The following PTBP3 variants were observed in gnomAD, a reference collection of about 807,000 sequenced individuals.
PTBP3 encodes the protein polypyrimidine tract binding protein 3, also known as polypyrimidine tract-binding protein 3.
Under a neutral mutation model 58.7 loss-of-function variants are expected in PTBP3, and 20 were observed. That is an observed-to-expected ratio of 0.34 (90% CI 0.24 to 0.50). PTBP3 has a LOEUF of 0.50. Ranked by LOEUF, PTBP3 falls within the 20% of genes least tolerant of loss-of-function variation. The pLI is 0.98. For synonymous variants in PTBP3, 185 were observed against 219.8 expected, an observed-to-expected ratio of 0.84 and a Z score of 1.40; for missense variants, 509 against 637.2, an observed-to-expected ratio of 0.80 and a Z score of 2.17.
chr9:112,370,884 T>C, the PTBP3 span, among the ~76,000 whole-genome samples: 1 of 152,194 alleles, frequency 6.6e-6, no homozygotes, highest in Non-Finnish European at 1.5e-5. Flanking sequence ...CATTTTGATG[T>C]TCTTATAAAT....
intron 2 of PTBP3, among the ~76,000 whole-genome samples, chr9:112,284,962 T>C (rs1301668778): frequency 1.4e-5 from 2 of 145,116 alleles, no homozygotes; most frequent in Non-Finnish European, 3.0e-5. Flanking sequence ...TTTTGGGTTA[T>C]GTTGGAATGA....
chr9:112,355,992 CTCTTTCTTTT>C, the PTBP3 span, among the ~76,000 whole-genome samples: 2 of 149,164 alleles, frequency 1.3e-5, no homozygotes, highest in Non-Finnish European at 3.0e-5. Context: ...TTCTTTCTTT[CTCTTTCTTTT>C]CTTTCCTTCC....
the PTBP3 span, among the ~76,000 whole-genome samples, chr9:112,368,767 A>C: frequency 6.6e-6 from 1 of 152,212 alleles, no homozygotes; most frequent in Admixed American, 6.5e-5. Context: ...ATAAGTAACG[A>C]GGAGCCAAAT....
chr9:112,299,661 T>C (rs1828829578), intron 1 of PTBP3, among the ~76,000 whole-genome samples: 1 of 152,186 alleles, frequency 6.6e-6, no homozygotes, highest in Admixed American at 6.5e-5. Context: ...GAATTATTCA[T>C]CCCCATCCAT....
intron 1 of PTBP3, among the ~76,000 whole-genome samples, chr9:112,329,413 C>A (rs1830278512): frequency 1.3e-5 from 2 of 150,386 alleles, no homozygotes. Context: ...GGCTCCGCCT[C>A]AAAAAAAAAA....
At chr9:112,320,734 C>A (rs1359846375) in intron 1 of PTBP3, among the ~76,000 whole-genome samples, 4 of 152,080 alleles carry the variant, frequency 2.6e-5, no homozygotes, top group African/African-American at 9.7e-5. Context: ...CAGAAACAGA[C>A]CCACTTACGT....
chr9:112,281,545 G>A (rs568420741), intron 2 of PTBP3, among the ~76,000 whole-genome samples: 46 of 152,230 alleles, frequency 3.0e-4, no homozygotes, highest in Non-Finnish European at 4.7e-4. Context: ...TTCTTTTCCT[G>A]CAGCAGCATA....
intron 2 of PTBP3, among the ~76,000 whole-genome samples, chr9:112,288,514 C>T (rs1397578116): frequency 6.6e-6 from 1 of 152,102 alleles, no homozygotes; most frequent in Non-Finnish European, 1.5e-5. Flanking sequence ...GCTTGGTTCC[C>T]CCAACCCCCA....
At position 112,275,863 on chromosome 9, in the gene PTBP3, A is replaced by G; in HGVS notation, c.185T>C (p.Met62Thr). ...LPFGKVTNLLMLKGKSQAFLE... is the reference protein window; with the variant it reads ...LPFGKVTNLLTLKGKSQAFLE... ...ACATACCTGGCTTTTTCCTTTCAAC[A>G]TCAAAAGATTAGTTACTTTGCCAAA... Residue 62 changes from methionine to threonine, a missense_variant, in exon 3 of 14, where the codon ATG becomes ACG. Met to Thr is a moderately conservative substitution (Grantham distance 81, BLOSUM62 -1). This residue lies in a region of PTBP3 where 212 missense variants were observed against 215.3 expected (regional missense o/e 0.98). Transcript: ENST00000374257. 1 of 1,612,892 alleles carries G rather than the reference A, an allele frequency of 6.2e-7. No homozygotes were observed.
At chr9:112,338,742 T>C in the PTBP3 span, among the ~76,000 whole-genome samples, 20 of 152,360 alleles carry the variant, frequency 1.3e-4, no homozygotes. Context: ...AGAGGCGGCA[T>C]GTAAGTGTCT....
chr9:112,279,210 A>G (rs1827753493), intron 2 of PTBP3, among the ~76,000 whole-genome samples: 1 of 152,218 alleles, frequency 6.6e-6, no homozygotes, highest in African/African-American at 2.4e-5. Context: ...TGTATTGGAC[A>G]CATAAATTTA....
rs1251321326 is a variant in PTBP3, at chr9:112,219,017, TC to T, written c.*4833del. 1 of 152,458 alleles carries T rather than the reference TC, an allele frequency of 6.6e-6. No homozygotes were observed. Among genetic ancestry groups the T allele is most frequent in the African/African-American group, 2.4e-5 (1 of 41,432 alleles). The allele number at this position is 152,458 out of a possible 1,614,324, so 9.4% of individuals were successfully genotyped here. ...CATCAAACTCGTCATCCTAATCCATTCTGTTCACACTGAAACTCACATTTTC... is the reference window on the plus strand; with the variant it reads ...CATCAAACTCGTCATCCTAATCCATTTGTTCACACTGAAACTCACATTTTC... On this transcript the variant is annotated 3_prime_UTR_variant, in exon 14 of 14. Coordinates refer to ENST00000374257, the MANE Select transcript of PTBP3 (RefSeq NM_001163788.4).
At chr9:112,346,761 T>A in the PTBP3 span, among the ~76,000 whole-genome samples, 5 of 151,836 alleles carry the variant, frequency 3.3e-5, no homozygotes, top group African/African-American at 1.2e-4. Flanking sequence ...CAGAGTCTCT[T>A]GATCTGTCAC....
At chr9:112,228,940 C>G (rs3908938) in intron 10 of PTBP3, among the ~76,000 whole-genome samples, 84,035 of 151,996 alleles carry the variant, frequency 0.55, 24,824 homozygotes, top group African/African-American at 0.78. Context: ...ATTTCACACT[C>G]GGACAATCAG....
At chr9:112,298,704 A>G (rs1185202662) in intron 1 of PTBP3, 2 of 322,182 alleles carry the variant, frequency 6.2e-6, no homozygotes, top group Non-Finnish European at 1.2e-5. Flanking sequence ...TCCTACAAAT[A>G]TTAGAACAGC....
chr9:112,319,441 G>T (rs534814858), intron 1 of PTBP3, among the ~76,000 whole-genome samples: 2 of 152,184 alleles, frequency 1.3e-5, no homozygotes, highest in East Asian at 3.9e-4. Flanking sequence ...CAGCCAACAG[G>T]TATATAAAAA....
chr9:112,305,554 C>G (rs976955830), intron 1 of PTBP3, among the ~76,000 whole-genome samples: 72 of 152,176 alleles, frequency 4.7e-4, no homozygotes, highest in African/African-American at 1.7e-3. Context: ...GTCCACTCGA[C>G]AACAGTACTT....
chr9:112,343,089 T>C, the PTBP3 span, among the ~76,000 whole-genome samples: 1 of 152,062 alleles, frequency 6.6e-6, no homozygotes, highest in African/African-American at 2.4e-5. Context: ...TCGGGGAAAA[T>C]GCAGGATGAG....
rs754158691 is a variant in PTBP3 at position 112,223,339 on chromosome 9, T to C, written c.*512A>G. 5.1e-6 allele frequency: 5 copies of C among 975,040 alleles called. No individual in the cohort carries two copies. The highest frequency in any genetic ancestry group is 6.1e-6 in the Non-Finnish European group (5 of 819,910). 60.4% of individuals were successfully genotyped at this position (975,040 alleles called of 1,614,324 possible). A position where few individuals can be genotyped will look rare whatever the true frequency, so the allele number is the denominator to read the frequency against. On this transcript the variant is annotated 3_prime_UTR_variant, in exon 14 of 14. Coordinates refer to ENST00000374257, the MANE Select transcript of PTBP3 (RefSeq NM_001163788.4). Reference sequence around the variant, plus strand: ...TTTATGCATAATAACCATCAATATATGGCAAAGATCTGATGTACTTTATAT... The same window carrying C: ...TTTATGCATAATAACCATCAATATACGGCAAAGATCTGATGTACTTTATAT...
Sources: allele counts gnomAD v4.1 joint callset (sites outside exome capture counted in the v4.1 genomes callset), GRCh38; gene constraint gnomAD v4.1.1; regional missense constraint gnomAD v4.1.1; transcripts MANE v1.5; gene names NCBI Gene and HGNC (gene_info 2026-07-23, HGNC 2026-07-21).